The following SUGCT variants were observed in gnomAD, a reference collection of about 807,000 sequenced individuals.
SUGCT encodes succinyl-CoA:glutarate CoA-transferase.
A neutral mutation model predicts 55.0 loss-of-function variants in SUGCT; 41 were observed. The observed-to-expected ratio is 0.74, with a 90% CI of 0.58 to 0.97. The LOEUF (loss-of-function observed/expected upper bound fraction) is 0.97. SUGCT is among the 50% of genes least tolerant of loss of function. The pLI is 0.00. For missense variants in SUGCT, 568 were observed against 547.8 expected (o/e 1.04, Z -0.37); for synonymous variants, 187 against 200.4 (o/e 0.93, Z 0.56).
chr7:40,909,835 CCTTA>C, the SUGCT span, among the ~76,000 whole-genome samples: 1 of 152,100 alleles, frequency 6.6e-6, no homozygotes, highest in Non-Finnish European at 1.5e-5. Flanking sequence ...GTACGAAATT[CCTTA>C]CTGAGTGGCG....
intron 1 of SUGCT, among the ~76,000 whole-genome samples, chr7:40,140,723 T>A (rs1196202237): frequency 6.6e-6 from 1 of 152,168 alleles, no homozygotes; most frequent in South Asian, 2.1e-4. Context: ...TTATAGACAC[T>A]ATGAGTATTA....
At chr7:40,862,321 T>C (rs1240164887), downstream of SUGCT, among the ~76,000 whole-genome samples, 2 of 152,284 alleles carry the variant, frequency 1.3e-5, no homozygotes, top group Non-Finnish European at 2.9e-5. Flanking sequence ...GGACTCCACC[T>C]ACGCAAGTCA....
intron 13 of SUGCT, among the ~76,000 whole-genome samples, chr7:40,843,879 C>T (rs1793415173): frequency 6.6e-6 from 1 of 152,172 alleles, no homozygotes; most frequent in South Asian, 2.1e-4. Flanking sequence ...GTTGAGAATA[C>T]ACTGAAGGAA....
chr7:40,243,698 G>A (rs557058789), intron 7 of SUGCT, among the ~76,000 whole-genome samples: 3 of 152,000 alleles, frequency 2.0e-5, no homozygotes, highest in African/African-American at 4.8e-5. Flanking sequence ...AAGTTGATAT[G>A]GTGGCAGTTG....
the SUGCT span, among the ~76,000 whole-genome samples, chr7:41,018,244 C>T: frequency 6.6e-6 from 1 of 152,012 alleles, no homozygotes; most frequent in Admixed American, 6.5e-5. Flanking sequence ...CAAATGAGTC[C>T]AGTGCAGGGG....
intron 6 of SUGCT, among the ~76,000 whole-genome samples, chr7:40,204,216 C>G (rs1361448978): frequency 1.3e-5 from 2 of 151,986 alleles, no homozygotes; most frequent in Non-Finnish European, 2.9e-5. Flanking sequence ...GTCTCAAACT[C>G]CTGGCCTCAA....
At chr7:40,511,768 T>C (rs1214815872) in intron 12 of SUGCT, among the ~76,000 whole-genome samples, 1 of 152,328 alleles carries the variant, frequency 6.6e-6, no homozygotes, top group Admixed American at 6.5e-5. Context: ...GGGAGCCCTA[T>C]ATATGCCATG....
intron 12 of SUGCT, among the ~76,000 whole-genome samples, chr7:40,529,548 G>A (rs548208268): frequency 7.5e-4 from 114 of 152,330 alleles, no homozygotes; most frequent in African/African-American, 2.6e-3. Flanking sequence ...AGCAGACTGC[G>A]CAGATCGCAG....
chr7:40,405,808 T>TAAAAA (rs60966218), intron 9 of SUGCT, among the ~76,000 whole-genome samples: 1 of 90,950 alleles, frequency 1.1e-5, no homozygotes, highest in Non-Finnish European at 2.3e-5. Context: ...AGACTCTGTC[T>TAAAAA]AAAAAAAAAA....
chr7:40,640,689 C>G (rs545880044), intron 12 of SUGCT, among the ~76,000 whole-genome samples: 77 of 152,302 alleles, frequency 5.1e-4, no homozygotes, highest in African/African-American at 1.8e-3. Context: ...CACACACACA[C>G]CCCCCACAAA....
chr7:40,622,676 G>T (rs1799331409), intron 12 of SUGCT, among the ~76,000 whole-genome samples: 1 of 151,640 alleles, frequency 6.6e-6, no homozygotes, highest in Non-Finnish European at 1.5e-5. Context: ...AGTTTTATCA[G>T]CCAATAACAC....
At chr7:40,308,058 C>G (rs998194081) in intron 8 of SUGCT, among the ~76,000 whole-genome samples, 1 of 152,104 alleles carries the variant, frequency 6.6e-6, no homozygotes, top group Non-Finnish European at 1.5e-5. Context: ...TGAGGTTGAG[C>G]AGAAGGATGT....
rs189329348 is a variant in SUGCT at position 40,586,289 on chromosome 7, T to C, written c.1089+89903T>C. Among the ~76,000 whole-genome samples, 432 of 152,358 alleles carry C rather than the reference T, an allele frequency of 2.8e-3. 4 individuals carry two copies. The highest frequency in any genetic ancestry group is 9.8e-3 in the African/African-American group (407 of 41,592). Reference sequence around the variant, plus strand: ...TATTCTATATCCTCATTGCCCAATATGGCAGCCACTAGCCGTTTTGCTTGA... The same window carrying C: ...TATTCTATATCCTCATTGCCCAATACGGCAGCCACTAGCCGTTTTGCTTGA... On this transcript the variant is annotated intron_variant, in intron 12 of 13. Transcript: ENST00000335693.
intron 13 of SUGCT, among the ~76,000 whole-genome samples, chr7:40,812,807 T>C (rs749296891): frequency 1.1e-4 from 17 of 152,138 alleles, no homozygotes; most frequent in Non-Finnish European, 2.4e-4. Context: ...GGTGTGAGAT[T>C]AGATTGTTAA....
chr7:40,188,333 C>A lies in SUGCT; in HGVS notation c.227-162C>A, dbSNP rs143928089. Among the ~76,000 whole-genome samples, 1,126 of 149,072 alleles carry A rather than the reference C, an allele frequency of 7.6e-3. 10 individuals are homozygous for A. The highest frequency in any genetic ancestry group is 0.011 in the Non-Finnish European group (720 of 67,658). ...CCTGTAATCCCAGCTACTCAGGTGG[C>A]TGAGGCAGGAGAATTACCCGAACCC... On this transcript the variant is annotated intron_variant, in intron 3 of 13. Transcript: ENST00000335693.
intron 7 of SUGCT, among the ~76,000 whole-genome samples, chr7:40,259,058 A>G (rs6963744): frequency 1.1e-3 from 160 of 152,358 alleles, no homozygotes; most frequent in African/African-American, 3.4e-3. Flanking sequence ...GAAATAAGCC[A>G]GGCACAGAAG....
intron 12 of SUGCT, among the ~76,000 whole-genome samples, chr7:40,574,993 C>T (rs1055633526): frequency 2.6e-5 from 4 of 152,002 alleles, no homozygotes; most frequent in African/African-American, 9.7e-5. Flanking sequence ...CCATTTGAAC[C>T]AGTGTTTAAG....
the SUGCT span, among the ~76,000 whole-genome samples, chr7:40,959,111 T>G: frequency 1.3e-5 from 2 of 152,198 alleles, no homozygotes; most frequent in East Asian, 3.9e-4. Flanking sequence ...TGACCCCTGC[T>G]GGGAGGTGTC....
the SUGCT span, among the ~76,000 whole-genome samples, chr7:40,942,106 A>C: frequency 1.3e-5 from 2 of 152,040 alleles, no homozygotes; most frequent in Non-Finnish European, 2.9e-5. Flanking sequence ...CATCATGTTG[A>C]TTGTTACCTA....
Sources: gnomAD v4.1 joint callset for allele counts (sites outside exome capture counted in the v4.1 genomes callset) on GRCh38, gnomAD v4.1.1 for gene constraint, MANE v1.5 for transcripts, NCBI Gene and HGNC (gene_info 2026-07-23, HGNC 2026-07-21) for gene names.